OFD1: variants seen among roughly 807,000 people sequenced by gnomAD.
OFD1 encodes the protein centriole and centriolar satellite protein OFD1.
A neutral mutation model predicts 81.4 loss-of-function variants in OFD1; 12 were observed. The ratio of observed to expected loss-of-function variants is 0.15; its 90% CI spans 0.09 to 0.24. The LOEUF is 0.24. OFD1 is among the 10% of genes least tolerant of loss of function. The probability of loss-of-function intolerance (pLI) is 1.00; values close to 1 mark genes in which losing one functional copy is unlikely to be tolerated. For synonymous variants in OFD1, 256 were observed against 263.7 expected (o/e 0.97, Z 0.28); for missense variants, 685 against 733.9 (o/e 0.93, Z 0.77).
chrX:13,739,091 A>G, intron 5 of OFD1, 59 bp downstream of exon 5: 1 of 1,054,711 alleles, frequency 9.5e-7, no homozygotes, highest in South Asian at 2.0e-5. Context: ...TTTTCCTCTA[A>G]AAGAATGAAG....
downstream of OFD1, chrX:13,772,687 C>T (rs1457660719): frequency 2.8e-6 from 1 of 352,895 alleles, no homozygotes; most frequent in Non-Finnish European, 4.9e-6. Flanking sequence ...ATGAAACCTC[C>T]AATATTTGTT....
chrX:13,753,324 G>GA lies in OFD1; in HGVS notation c.1056-39dup, dbSNP rs778918212. On this transcript the variant is annotated intron_variant, in intron 10 of 22. Transcript: ENST00000340096. ...TCCTGCACTGATAACAGTCTTTCCAGAAAAATGCCTGAGGAGCTCATATTT... is the reference window on the plus strand; with the variant it reads ...TCCTGCACTGATAACAGTCTTTCCAGAAAAAATGCCTGAGGAGCTCATATTT... 29 of 1,206,824 alleles carry GA rather than the reference G, an allele frequency of 2.4e-5. No individual in the cohort carries two copies. The African/African-American group carries it at 4.4e-4, about 18-fold the overall frequency.
upstream of OFD1, among the ~76,000 whole-genome samples, chrX:13,730,310 A>G (rs1373076450): frequency 2.7e-5 from 3 of 112,289 alleles, no homozygotes; most frequent in Admixed American, 9.4e-5. Flanking sequence ...CAACAGACAC[A>G]TGAAAAAAAT....
At chrX:13,748,280 TGAA>T (rs933380783) in intron 8 of OFD1, among the ~76,000 whole-genome samples, 1 of 112,298 alleles carries the variant, frequency 8.9e-6, no homozygotes, top group Non-Finnish European at 1.9e-5. Flanking sequence ...CTGAAGGCTT[TGAA>T]GAAGATTGTC....
At chrX:13,755,388 A>G (rs139074410) in intron 12 of OFD1, 146 bp downstream of exon 12, 77 of 473,995 alleles carry the variant, frequency 1.6e-4, no homozygotes, top group African/African-American at 2.6e-4. Flanking sequence ...AGTTAATTCA[A>G]TAGTTCTTAA....
Position 13,734,788 on chromosome X carries a change from T to C in OFD1, c.-284T>C, listed in dbSNP as rs1349375349. 42 of 1,069,749 alleles carry C rather than the reference T, an allele frequency of 3.9e-5. No homozygotes were observed. The highest frequency in any genetic ancestry group is 4.6e-5 in the Non-Finnish European group (38 of 832,700). 88.2% of individuals were successfully genotyped at this position (1,069,749 alleles called of 1,213,427 possible). A position where few individuals can be genotyped will look rare whatever the true frequency, so the allele number is the denominator to read the frequency against. Reference sequence around the variant, plus strand: ...GTCCTGCCTCGCTGCCTTCAGTCCCTAGTGTCTGGGTCCCCGCCCTCCAGC... The same window carrying C: ...GTCCTGCCTCGCTGCCTTCAGTCCCCAGTGTCTGGGTCCCCGCCCTCCAGC... On this transcript the variant is annotated 5_prime_UTR_variant, in exon 1 of 23. Coordinates refer to ENST00000340096, the MANE Select transcript of OFD1 (RefSeq NM_003611.3).
intron 21 of OFD1, 86 bp from the exon 22 acceptor site, chrX:13,768,632 A>G (rs1299015336): frequency 2.1e-5 from 15 of 730,069 alleles, no homozygotes; most frequent in Non-Finnish European, 3.0e-5. Context: ...TAAATTACAT[A>G]TATATTTCAA....
chrX:13,736,435 T>A, intron 2 of OFD1, 43 bp from the exon 3 acceptor site: 1 of 1,173,981 alleles, frequency 8.5e-7, no homozygotes, highest in South Asian at 1.8e-5. Flanking sequence ...GAAATTTCTT[T>A]CCCTTGTGTT....
At chrX:13,739,170 C>A in intron 5 of OFD1, 138 bp downstream of exon 5, 1 of 522,547 alleles carries the variant, frequency 1.9e-6, no homozygotes, top group Non-Finnish European at 3.2e-6. Context: ...GTCATTTCCC[C>A]TATATTTCCA....
intron 15 of OFD1, among the ~76,000 whole-genome samples, chrX:13,759,549 C>T (rs1392893128): frequency 9.0e-6 from 1 of 111,571 alleles, no homozygotes. Context: ...AGCTTTAGTC[C>T]CCCCATCTGT....
rs2048237572 is a variant in OFD1, at chrX:13,768,931, T to C, written c.2997-135T>C. 9 of 750,172 alleles carry C rather than the reference T, an allele frequency of 1.2e-5. No homozygotes were observed. In the South Asian group the frequency reaches 2.0e-4, roughly 17 times the overall value. The allele number at this position is 750,172 out of a possible 1,213,427, so 61.8% of individuals were successfully genotyped here. On this transcript the variant is annotated intron_variant, in intron 22 of 22. Coordinates refer to ENST00000340096, the MANE Select transcript of OFD1 (RefSeq NM_003611.3). ...TATAAAAACAATTGAGTTTTTTGACTTGTGAAATTGATCCTGATATAAATT... is the reference window on the plus strand; with the variant it reads ...TATAAAAACAATTGAGTTTTTTGACCTGTGAAATTGATCCTGATATAAATT...
intron 7 of OFD1, 87 bp from the exon 8 acceptor site, chrX:13,746,693 T>C: frequency 1.3e-6 from 1 of 744,090 alleles, no homozygotes; most frequent in East Asian, 3.4e-5. Flanking sequence ...AGAGCATTAA[T>C]GTTAAACCTA....
chrX:13,740,248 TC>T, intron 5 of OFD1: 1 of 766,237 alleles, frequency 1.3e-6, no homozygotes, highest in Non-Finnish European at 1.8e-6. Context: ...CTAAGTGTCG[TC>T]CAGTGTGACT....
chrX:13,736,087 T>A, intron 2 of OFD1: 1 of 765,823 alleles, frequency 1.3e-6, no homozygotes, highest in South Asian at 5.2e-5. Flanking sequence ...TGTTGAATAT[T>A]TTGGTTATAT....
intron 8 of OFD1, 97 bp from the exon 9 acceptor site, chrX:13,749,330 G>A: frequency 1.9e-6 from 1 of 535,624 alleles, no homozygotes. Flanking sequence ...CTAAATGTCT[G>A]TACTTTGCTT....
Position 13,749,508 on chromosome X carries a change from A to G in OFD1, c.910A>G (p.Lys304Glu). The G allele has an allele frequency of 3.4e-6, 4 of 1,186,379 alleles. No individual in the cohort carries two copies. Among genetic ancestry groups the G allele is most frequent in the Non-Finnish European group, 4.6e-6 (4 of 873,466 alleles). Residue 304 changes from lysine (K) to glutamate (E), a missense_variant, in exon 9 of 23, where the codon AAG (lysine) becomes GAG (glutamate). Physicochemically the swap from Lys to Glu is moderately conservative, Grantham distance 56 (BLOSUM62 1). Coordinates refer to ENST00000340096, the MANE Select transcript of OFD1 (RefSeq NM_003611.3). ...DLLRGREAEL[K>E]QRVEAFELNQ... Reference sequence around the variant, plus strand: ...GCTAAGAGGAAGAGAAGCAGAGCTGAAGCAAAGAGTTGAAGCTTTTGAATT... The same window carrying G: ...GCTAAGAGGAAGAGAAGCAGAGCTGGAGCAAAGAGTTGAAGCTTTTGAATT...
intron 10 of OFD1, among the ~76,000 whole-genome samples, chrX:13,752,026 C>G (rs1427175828): frequency 1.8e-5 from 2 of 111,939 alleles, no homozygotes; most frequent in Non-Finnish European, 3.8e-5. Context: ...CTACCTCACT[C>G]ATACAGTCAG....
chrX:13,760,035 C>CA (rs1158633137), intron 15 of OFD1, 80 bp from the exon 16 acceptor site: 5 of 1,167,165 alleles, frequency 4.3e-6, no homozygotes, highest in Non-Finnish European at 4.7e-6. Context: ...TTCCATTTTT[C>CA]AAAAAAATAA....
chrX:13,715,089 T>A, the OFD1 span, among the ~76,000 whole-genome samples: 1 of 112,890 alleles, frequency 8.9e-6, no homozygotes, highest in Non-Finnish European at 1.9e-5. Context: ...TAAATATTAC[T>A]TACTACCTCT....
Sources: allele counts gnomAD v4.1 joint callset (sites outside exome capture counted in the v4.1 genomes callset), GRCh38; gene constraint gnomAD v4.1.1; transcripts MANE v1.5; gene names NCBI Gene and HGNC (gene_info 2026-07-23, HGNC 2026-07-21).